The following GREM2 variants were observed in gnomAD, a reference collection of about 807,000 sequenced individuals.
GREM2 encodes the protein gremlin 2, DAN family BMP antagonist.
Under a neutral mutation model 14.2 loss-of-function variants are expected in GREM2, and 11 were observed. The observed-to-expected ratio is 0.78, with a 90% CI of 0.49 to 1.28. The LOEUF (loss-of-function observed/expected upper bound fraction) is 1.28. Ranked by LOEUF, GREM2 falls within the 50% of genes most tolerant of loss-of-function variation. GREM2 has a pLI of 0.00. For missense variants in GREM2, 210 were observed against 218.5 expected, an observed-to-expected ratio of 0.96 and a Z score of 0.24; for synonymous variants, 98 against 97.6, an observed-to-expected ratio of 1.00 and a Z score of -0.02.
intron 1 of GREM2, among the ~76,000 whole-genome samples, chr1:240,604,109 G>A (rs1049953969): frequency 1.3e-5 from 2 of 151,690 alleles, no homozygotes; most frequent in Non-Finnish European, 2.9e-5. Flanking sequence ...TTTAAAGAAC[G>A]AGCTTTCAAG....
chr1:240,512,213 A>G (rs907091832), intron 1 of GREM2, among the ~76,000 whole-genome samples: 1 of 152,192 alleles, frequency 6.6e-6, no homozygotes, highest in African/African-American at 2.4e-5. Flanking sequence ...CAAGAGAAGA[A>G]TTTACTGGTG....
chr1:240,579,530 G>C (rs1175826380), intron 1 of GREM2, among the ~76,000 whole-genome samples: 1 of 152,196 alleles, frequency 6.6e-6, no homozygotes, highest in African/African-American at 2.4e-5. Flanking sequence ...AACAGAGCAA[G>C]CATTCTTATT....
chr1:240,513,847 G>A (rs1374722926), intron 1 of GREM2, among the ~76,000 whole-genome samples: 1 of 152,176 alleles, frequency 6.6e-6, no homozygotes, highest in African/African-American at 2.4e-5. Flanking sequence ...GAGAATGTAA[G>A]TGGAAGACCA....
At chr1:240,563,378 C>CT (rs1228690609) in intron 1 of GREM2, among the ~76,000 whole-genome samples, 3 of 152,134 alleles carry the variant, frequency 2.0e-5, no homozygotes, top group African/African-American at 4.8e-5. Context: ...GGACTTCTCT[C>CT]TGTTTGTTAC....
At position 240,600,750 on chromosome 1, in the gene GREM2, C is replaced by T. The variant is rs1032706320; in HGVS notation, c.-2+11134G>A. Among the ~76,000 whole-genome samples, 13 of 152,286 alleles carry T rather than the reference C, an allele frequency of 8.5e-5. 1 individual carries two copies. The highest frequency in any genetic ancestry group is 6.2e-4 in the South Asian group (3 of 4,828). On this transcript the variant is annotated intron_variant, in intron 1 of 1. Transcript: ENST00000318160. ...CCACCTGCCTCGGCCTCCCAAAATGCTGGGATTACAGGCGTGAGCCACCGT... is the reference window on the plus strand; with the variant it reads ...CCACCTGCCTCGGCCTCCCAAAATGTTGGGATTACAGGCGTGAGCCACCGT...
chr1:240,544,342 T>A (rs966748762), intron 1 of GREM2, among the ~76,000 whole-genome samples: 9 of 151,938 alleles, frequency 5.9e-5, no homozygotes, highest in Non-Finnish European at 2.9e-5. Context: ...AGACGCGGGG[T>A]TTCACCATGT....
intron 1 of GREM2, among the ~76,000 whole-genome samples, chr1:240,564,409 G>A (rs571730637): frequency 6.6e-6 from 1 of 151,386 alleles, no homozygotes; most frequent in Admixed American, 6.6e-5. Context: ...TTGGGAGGCT[G>A]AAGCAGGAGG....
chr1:240,604,132 C>T (rs1216415381), intron 1 of GREM2, among the ~76,000 whole-genome samples: 2 of 151,816 alleles, frequency 1.3e-5, no homozygotes, highest in Non-Finnish European at 2.9e-5. Context: ...AATGAATGCA[C>T]TGAGGGAGAA....
chr1:240,566,405 G>A (rs967491589), intron 1 of GREM2, among the ~76,000 whole-genome samples: 27 of 152,008 alleles, frequency 1.8e-4, no homozygotes, highest in Non-Finnish European at 3.2e-4. Context: ...CCTTATGATC[G>A]CCCCCAGCTT....
chr1:240,565,518 G>A (rs992168152), intron 1 of GREM2, among the ~76,000 whole-genome samples: 8 of 151,860 alleles, frequency 5.3e-5, no homozygotes, highest in South Asian at 2.1e-4. Flanking sequence ...CTTTACTTTG[G>A]TCTGTTGGGT....
At chr1:240,558,647 G>C (rs1678990325) in intron 1 of GREM2, among the ~76,000 whole-genome samples, 1 of 152,016 alleles carries the variant, frequency 6.6e-6, no homozygotes, top group Non-Finnish European at 1.5e-5. Context: ...GCCTTCCCTG[G>C]ACGCCCTGTG....
intron 1 of GREM2, among the ~76,000 whole-genome samples, chr1:240,536,578 C>T (rs1678473626): frequency 2.0e-5 from 3 of 152,038 alleles, no homozygotes; most frequent in Non-Finnish European, 2.9e-5. Flanking sequence ...GAGTTTAAGA[C>T]AAAATGGCAG....
At chr1:240,555,759 GA>G (rs1678944407) in intron 1 of GREM2, among the ~76,000 whole-genome samples, 1 of 152,252 alleles carries the variant, frequency 6.6e-6, no homozygotes, top group Admixed American at 6.5e-5. Context: ...ATTTGTACTG[GA>G]AAGATATTTA....
At chr1:240,546,314 G>C (rs1453322153) in intron 1 of GREM2, among the ~76,000 whole-genome samples, 1 of 150,548 alleles carries the variant, frequency 6.6e-6, no homozygotes, top group African/African-American at 2.5e-5. Context: ...ACTCCAGCCT[G>C]GTTGACAGAG....
intron 1 of GREM2, among the ~76,000 whole-genome samples, chr1:240,517,260 G>A (rs1246938351): frequency 6.6e-6 from 1 of 152,092 alleles, no homozygotes; most frequent in African/African-American, 2.4e-5. Flanking sequence ...TTTACCTATC[G>A]ATAGTTTAAC....
chr1:240,539,555 G>A (rs1446603107), intron 1 of GREM2, among the ~76,000 whole-genome samples: 1 of 152,148 alleles, frequency 6.6e-6, no homozygotes, highest in African/African-American at 2.4e-5. Flanking sequence ...AGAGATTTCT[G>A]AGTTGAAATA....
At chr1:240,584,923 A>G (rs751096997) in intron 1 of GREM2, among the ~76,000 whole-genome samples, 17 of 152,164 alleles carry the variant, frequency 1.1e-4, no homozygotes, top group Non-Finnish European at 2.4e-4. Context: ...ACAGAAGCTG[A>G]GGGATGACGG....
chr1:240,592,571 C>G (rs1679733601), intron 1 of GREM2, among the ~76,000 whole-genome samples: 1 of 152,140 alleles, frequency 6.6e-6, no homozygotes, highest in African/African-American at 2.4e-5. Flanking sequence ...AGTCTACAAT[C>G]CTGACATGTG....
chr1:240,564,738 A>C (rs1679142881), intron 1 of GREM2, among the ~76,000 whole-genome samples: 1 of 152,178 alleles, frequency 6.6e-6, no homozygotes, highest in Non-Finnish European at 1.5e-5. Context: ...AAGGTATATT[A>C]ACTGCAATAG....
Sources: gnomAD v4.1 joint callset for allele counts (sites outside exome capture counted in the v4.1 genomes callset) on GRCh38, gnomAD v4.1.1 for gene constraint, MANE v1.5 for transcripts, NCBI Gene and HGNC (gene_info 2026-07-23, HGNC 2026-07-21) for gene names.